Variants in SLC16A9 observed in about 807,000 individuals in gnomAD.
SLC16A9 encodes the protein monocarboxylate transporter 9.
SLC16A9 carries 26 observed loss-of-function variants against 44.3 expected under a neutral mutation model. The ratio of observed to expected loss-of-function variants is 0.59; its 90% CI spans 0.43 to 0.81. The LOEUF is 0.81. Ranked by LOEUF, SLC16A9 falls within the 40% of genes least tolerant of loss-of-function variation. The pLI is 0.00. For missense variants in SLC16A9, 559 were observed against 595.8 expected (o/e 0.94, Z 0.64); for synonymous variants, 230 against 225.1 (o/e 1.02, Z -0.19).
At chr10:59,674,761 G>A (rs1171606) in intron 2 of SLC16A9, among the ~76,000 whole-genome samples, 45,673 of 151,956 alleles carry the variant, frequency 0.3, 7,665 homozygotes, top group East Asian at 0.59. Context: ...ATTATTCCTG[G>A]CATACTTGAA....
At chr10:59,689,508 C>T (rs940377788) in intron 1 of SLC16A9, among the ~76,000 whole-genome samples, 2 of 152,142 alleles carry the variant, frequency 1.3e-5, no homozygotes, top group Non-Finnish European at 2.9e-5. Flanking sequence ...GATTGAAATG[C>T]CTGAATCTTG....
chr10:59,660,477 A>G (rs1309280535), intron 4 of SLC16A9, among the ~76,000 whole-genome samples: 2 of 152,356 alleles, frequency 1.3e-5, no homozygotes, highest in South Asian at 2.1e-4. Context: ...TGAATAGATC[A>G]ATAACAAGCT....
chr10:59,688,157 A>G (rs566139945), intron 1 of SLC16A9, among the ~76,000 whole-genome samples: 6 of 152,160 alleles, frequency 3.9e-5, no homozygotes, highest in Non-Finnish European at 8.8e-5. Context: ...GTCTTTGCCC[A>G]CGGATTCTGC....
Position 59,653,654 on chromosome 10 carries a change from AT to A in SLC16A9, c.1351+20del. On this transcript the variant is annotated intron_variant, in intron 5 of 5. Coordinates refer to ENST00000395348, the MANE Select transcript of SLC16A9 (RefSeq NM_194298.3). ...CAAGGAAGAACAGTAAAATGGGATG[AT>A]TTTAAGATAAATATCTTACCAACGA... 1 of 1,589,552 alleles carries A rather than the reference AT, an allele frequency of 6.3e-7. No homozygotes were observed. The highest frequency in any genetic ancestry group is 8.6e-7 in the Non-Finnish European group (1 of 1,166,854).
At chr10:59,702,578 C>T (rs1419959496) in intron 1 of SLC16A9, among the ~76,000 whole-genome samples, 1 of 152,206 alleles carries the variant, frequency 6.6e-6, no homozygotes, top group Admixed American at 6.5e-5. Flanking sequence ...GCTTCCTTCT[C>T]ATTGTCAACA....
At chr10:59,706,003 C>A (rs1293786235) in intron 1 of SLC16A9, among the ~76,000 whole-genome samples, 1 of 152,150 alleles carries the variant, frequency 6.6e-6, no homozygotes, top group East Asian at 1.9e-4. Context: ...ACACACTAGA[C>A]TTCCTTATCT....
At chr10:59,693,897 G>A (rs910499777) in intron 1 of SLC16A9, among the ~76,000 whole-genome samples, 37 of 150,222 alleles carry the variant, frequency 2.5e-4, no homozygotes, top group African/African-American at 9.1e-4. Flanking sequence ...GATTACAGGC[G>A]TGAGCCACTG....
At chr10:59,692,645 C>T (rs1840277196) in intron 1 of SLC16A9, among the ~76,000 whole-genome samples, 1 of 152,258 alleles carries the variant, frequency 6.6e-6, no homozygotes. Context: ...ATGTAGGTAA[C>T]AAGTTTTATA....
At chr10:59,707,784 A>C (rs1242860886) in intron 1 of SLC16A9, among the ~76,000 whole-genome samples, 1 of 152,196 alleles carries the variant, frequency 6.6e-6, no homozygotes, top group East Asian at 1.9e-4. Context: ...ATGTGACCAC[A>C]TCTCTGTAGT....
chr10:59,654,416 G>A lies in SLC16A9; in HGVS notation c.610C>T (p.Pro204Ser), dbSNP rs1279048372. 2 of 1,613,412 alleles carry A rather than the reference G, an allele frequency of 1.2e-6. No individual in the cohort carries two copies. Among genetic ancestry groups the A allele is most frequent in the African/African-American group, 1.3e-5 (1 of 74,852 alleles). ...GAGTATTTATCTGGTAGATCTTCTG[G>A]AGCTATTTTTTTAGGCAAAGGACAA... ...SDCPLPKKIA[P>S]EDLPDKYSIY... is the part of the protein sequence containing the mutation. Residue 204 changes from proline to serine, a missense_variant, in exon 5 of 6, where the codon CCA (proline) becomes TCA (serine). Coordinates refer to ENST00000395348, the MANE Select transcript of SLC16A9 (RefSeq NM_194298.3).
chr10:59,684,348 AAG>A, intron 1 of SLC16A9, 21 bp from the exon 2 acceptor site: 2 of 1,458,544 alleles, frequency 1.4e-6, no homozygotes, highest in South Asian at 1.3e-5. Context: ...ACAAACAGAA[AAG>A]AGAATCTTAT....
chr10:59,684,050 A>G (rs1171660), intron 2 of SLC16A9, 46 bp downstream of exon 2: 546,780 of 1,492,420 alleles, frequency 0.37, 108,354 homozygotes, highest in East Asian at 0.69. Flanking sequence ...AGTAAATGTA[A>G]TTAAATGATT....
intron 1 of SLC16A9, among the ~76,000 whole-genome samples, chr10:59,692,708 CTT>C (rs1480183836): frequency 1.6e-4 from 25 of 152,324 alleles, no homozygotes; most frequent in Admixed American, 1.6e-3. Context: ...TGATATCACT[CTT>C]TCCCTCAAAC....
chr10:59,702,732 C>A (rs1470029037), intron 1 of SLC16A9, among the ~76,000 whole-genome samples: 1 of 152,210 alleles, frequency 6.6e-6, no homozygotes, highest in Admixed American at 6.5e-5. Context: ...CAAATCCATT[C>A]ATTATGTTTA....
At chr10:59,668,398 T>C (rs758612350) in intron 3 of SLC16A9, among the ~76,000 whole-genome samples, 2 of 152,192 alleles carry the variant, frequency 1.3e-5, no homozygotes. Context: ...CCGTATCCAC[T>C]TGAACCACTT....
chr10:59,707,811 G>C (rs1266804855), intron 1 of SLC16A9, among the ~76,000 whole-genome samples: 1 of 152,140 alleles, frequency 6.6e-6, no homozygotes, highest in Admixed American at 6.5e-5. Context: ...CCTCTAGCTT[G>C]AGTTGCATGG....
At position 59,678,540 on chromosome 10, in the gene SLC16A9, C is replaced by CTTTTTTTTTTTTTTTTTTTTTTTT. The variant is rs1426559419; in HGVS notation, c.196+5555_196+5556insAAAAAAAAAAAAAAAAAAAAAAAA. ...CTACCAATCTTTTTTTTTTCTTTTT[C>CTTTTTTTTTTTTTTTTTTTTTTTT]TTTTTCTTTTTTTTGAGACGGAGTC... is the stretch of plus-strand genomic sequence containing the variant. On this transcript the variant is annotated intron_variant, in intron 2 of 5. Coordinates refer to ENST00000395348, the MANE Select transcript of SLC16A9 (RefSeq NM_194298.3). Among the ~76,000 whole-genome samples, 34 of 22,322 alleles carry CTTTTTTTTTTTTTTTTTTTTTTTT rather than the reference C, an allele frequency of 1.5e-3. 3 individuals are homozygous for CTTTTTTTTTTTTTTTTTTTTTTTT. Among genetic ancestry groups the CTTTTTTTTTTTTTTTTTTTTTTTT allele is most frequent in the African/African-American group, 3.2e-3 (33 of 10,332 alleles). 14.6% of individuals were successfully genotyped at this position (22,322 alleles called of 152,430 possible). A position where few individuals can be genotyped will look rare whatever the true frequency, so the allele number is the denominator to read the frequency against.
At chr10:59,698,916 G>A (rs1279677864) in intron 1 of SLC16A9, among the ~76,000 whole-genome samples, 2 of 151,902 alleles carry the variant, frequency 1.3e-5, no homozygotes, top group Admixed American at 6.6e-5. Flanking sequence ...GTTTTTTCTT[G>A]TATTTTTAGT....
chr10:59,690,145 G>T (rs1286946058), intron 1 of SLC16A9, among the ~76,000 whole-genome samples: 1 of 152,120 alleles, frequency 6.6e-6, no homozygotes, highest in African/African-American at 2.4e-5. Context: ...CCATGATTAT[G>T]CCACTGTTCT....
Sources: allele counts gnomAD v4.1 joint callset (sites outside exome capture counted in the v4.1 genomes callset), GRCh38; gene constraint gnomAD v4.1.1; transcripts MANE v1.5; gene names NCBI Gene and HGNC (gene_info 2026-07-23, HGNC 2026-07-21).